ABTB2: variants seen among roughly 807,000 people sequenced by gnomAD.
ABTB2 encodes ankyrin repeat and BTB domain containing 2.
In ABTB2, 56 loss-of-function variants were observed where a neutral mutation model predicts 104.1. That is an observed-to-expected ratio of 0.54 (90% CI 0.43 to 0.67). The LOEUF (loss-of-function observed/expected upper bound fraction) is 0.67, where lower values mean the gene tolerates loss of function less well. Among genes scored for constraint, ABTB2 ranks in the 30% least tolerant of loss-of-function variants. The pLI is 0.00. For synonymous variants in ABTB2, 606 were observed against 608.2 expected (o/e 1.00, Z 0.05); for missense variants, 1,279 against 1,407.7 (o/e 0.91, Z 1.46).
intron 1 of ABTB2, among the ~76,000 whole-genome samples, chr11:34,327,106 A>G (rs1295875663): frequency 2.0e-5 from 3 of 152,232 alleles, no homozygotes; most frequent in Non-Finnish European, 4.4e-5. Context: ...CATACCAGTT[A>G]GGAGATAATG....
intron 5 of ABTB2, among the ~76,000 whole-genome samples, chr11:34,168,687 A>G (rs1260875991): frequency 6.6e-6 from 1 of 152,226 alleles, no homozygotes. Context: ...GTGAAGCCCA[A>G]GCTTTGCGCC....
At chr11:34,259,840 T>C (rs1033332586) in intron 1 of ABTB2, among the ~76,000 whole-genome samples, 3 of 152,214 alleles carry the variant, frequency 2.0e-5, no homozygotes, top group African/African-American at 7.2e-5. Flanking sequence ...ACAGGGTCTC[T>C]GTTACCCAGG....
intron 1 of ABTB2, among the ~76,000 whole-genome samples, chr11:34,352,798 G>A (rs1226582387): frequency 6.6e-6 from 1 of 152,208 alleles, no homozygotes; most frequent in Non-Finnish European, 1.5e-5. Context: ...GGTCATGCCT[G>A]TAATCCCAGC....
intron 1 of ABTB2, among the ~76,000 whole-genome samples, chr11:34,236,747 G>A (rs191722427): frequency 1.3e-5 from 2 of 152,270 alleles, no homozygotes; most frequent in Non-Finnish European, 2.9e-5. Flanking sequence ...AACCGAGGAG[G>A]GTAGATAAAC....
rs116586137 is a variant in ABTB2, at chr11:34,315,787, C to T, written c.883+40914G>A. ...TATCAGAAATGACACGAGCAGCCAC[C>T]CCCCAGGTTTCCAGCTGCCTTTCAT... is the stretch of plus-strand genomic sequence containing the variant. On this transcript the variant is annotated intron_variant, in intron 1 of 16. Transcript: ENST00000435224. 9.5e-3 allele frequency among the ~76,000 whole-genome samples: 1,448 copies of T among 152,252 alleles called. 37 individuals carry two copies. The highest frequency in any genetic ancestry group is 0.033 in the African/African-American group (1,391 of 41,550).
intron 4 of ABTB2, among the ~76,000 whole-genome samples, chr11:34,172,187 A>C (rs1348359658): frequency 6.6e-6 from 1 of 151,866 alleles, no homozygotes; most frequent in Admixed American, 6.6e-5. Flanking sequence ...AGCCTGACCA[A>C]CATGATGAAA....
intron 1 of ABTB2, among the ~76,000 whole-genome samples, chr11:34,273,861 A>G (rs1349297281): frequency 6.6e-6 from 1 of 152,158 alleles, no homozygotes; most frequent in Non-Finnish European, 1.5e-5. Flanking sequence ...CCTCAAAAAT[A>G]ATGATATTTG....
At chr11:34,211,619 C>T (rs1050568623) in intron 1 of ABTB2, among the ~76,000 whole-genome samples, 4 of 151,772 alleles carry the variant, frequency 2.6e-5, no homozygotes, top group East Asian at 2.0e-4. Context: ...TCAAGCCAGG[C>T]GTGGTGGCTC....
chr11:34,214,469 A>G (rs1853524643), intron 1 of ABTB2, among the ~76,000 whole-genome samples: 1 of 151,976 alleles, frequency 6.6e-6, no homozygotes, highest in African/African-American at 2.4e-5. Flanking sequence ...GAATTATGGT[A>G]TAACATTTGT....
chr11:34,310,659 C>G (rs1854839803), intron 1 of ABTB2, among the ~76,000 whole-genome samples: 1 of 152,100 alleles, frequency 6.6e-6, no homozygotes, highest in African/African-American at 2.4e-5. Context: ...TTCCTTGCAC[C>G]TCCCTCACCC....
Position 34,159,320 on chromosome 11 carries a change from G to A in ABTB2, c.2673C>T (p.Ser891=), listed in dbSNP as rs139394352. ...CCTGAAAAATGTGGTACTTCATGTC[G>A]CTGATCTCGATGGTCTTGCTGCTGT... ...DGDSSKTIEI[S]DMKYHIFQMM... The change falls in exon 14 of 17, where the codon AGC becomes AGT. Residue 891 remains serine, a synonymous_variant. Transcript: ENST00000435224. 347 of 1,613,770 alleles carry A rather than the reference G, an allele frequency of 2.2e-4. No individual in the cohort carries two copies. The highest frequency in any genetic ancestry group is 4.7e-4 in the African/African-American group (35 of 74,976).
intron 1 of ABTB2, among the ~76,000 whole-genome samples, chr11:34,237,869 G>T (rs1853865419): frequency 6.6e-6 from 1 of 152,140 alleles, no homozygotes; most frequent in Non-Finnish European, 1.5e-5. Flanking sequence ...TTGCACTCCA[G>T]CCTGGGCAAC....
At chr11:34,210,597 C>T (rs1853468920) in intron 1 of ABTB2, among the ~76,000 whole-genome samples, 1 of 152,208 alleles carries the variant, frequency 6.6e-6, no homozygotes, top group South Asian at 2.1e-4. Context: ...GCGCTCTCCC[C>T]AGACTTGTAA....
At chr11:34,308,706 C>T (rs1297146638) in intron 1 of ABTB2, among the ~76,000 whole-genome samples, 1 of 151,734 alleles carries the variant, frequency 6.6e-6, no homozygotes, top group Admixed American at 6.6e-5. Context: ...CCTGTCTGCA[C>T]TAAAAATACA....
At position 34,337,150 on chromosome 11, in the gene ABTB2, C is replaced by A. The variant is rs946691497; in HGVS notation, c.883+19551G>T. 3.1e-4 allele frequency among the ~76,000 whole-genome samples: 47 copies of A among 152,336 alleles called. 1 individual carries two copies. Among genetic ancestry groups the A allele is most frequent in the African/African-American group, 1.1e-3 (47 of 41,570 alleles). ...CGGATGAGTGCTGGCTAAGAGGAGG[C>A]CTGTGCTGGGCTTGCACCTGGGTGG... On this transcript the variant is annotated intron_variant, in intron 1 of 16. Transcript: ENST00000435224.
At position 34,350,233 on chromosome 11, in the gene ABTB2, G is replaced by A. The variant is rs56991934; in HGVS notation, c.883+6468C>T. On this transcript the variant is annotated intron_variant, in intron 1 of 16. Transcript: ENST00000435224. Reference sequence around the variant, plus strand: ...AGCAGCCGGACACCATGGGGGACTCGGAGGAAATCAAAGCCCCCTTCATAC... The same window carrying A: ...AGCAGCCGGACACCATGGGGGACTCAGAGGAAATCAAAGCCCCCTTCATAC... Among the ~76,000 whole-genome samples, 544 of 151,660 alleles carry A rather than the reference G, an allele frequency of 3.6e-3. 3 individuals carry two copies. Among genetic ancestry groups the A allele is most frequent in the African/African-American group, 0.013 (531 of 41,336 alleles).
intron 1 of ABTB2, among the ~76,000 whole-genome samples, chr11:34,348,725 C>G (rs1231844917): frequency 6.6e-6 from 1 of 152,106 alleles, no homozygotes; most frequent in Non-Finnish European, 1.5e-5. Context: ...TCCAGAGGAG[C>G]TGGGAGGATT....
At chr11:34,350,376 G>C (rs535735260) in intron 1 of ABTB2, among the ~76,000 whole-genome samples, 1 of 152,116 alleles carries the variant, frequency 6.6e-6, no homozygotes, top group Admixed American at 6.5e-5. Context: ...GAGCTGACCC[G>C]CCCATCCTTT....
At chr11:34,300,632 G>T (rs1293684746) in intron 1 of ABTB2, among the ~76,000 whole-genome samples, 2 of 151,990 alleles carry the variant, frequency 1.3e-5, no homozygotes, top group Non-Finnish European at 2.9e-5. Flanking sequence ...TTTGTCTTAG[G>T]CTTGCCAAAT....
Sources: allele counts gnomAD v4.1 joint callset (sites outside exome capture counted in the v4.1 genomes callset), GRCh38; gene constraint gnomAD v4.1.1; transcripts MANE v1.5; gene names NCBI Gene and HGNC (gene_info 2026-07-23, HGNC 2026-07-21).